The following CHD2 variants were observed in gnomAD, a reference collection of about 807,000 sequenced individuals.
CHD2 encodes the protein ATP-dependent chromatin remodeler CHD2.
Under a neutral mutation model 243.9 loss-of-function variants are expected in CHD2, and 28 were observed. The ratio of observed to expected loss-of-function variants is 0.11; its 90% CI spans 0.09 to 0.16. The LOEUF (loss-of-function observed/expected upper bound fraction) is 0.16. Among genes scored for constraint, CHD2 ranks in the 10% least tolerant of loss-of-function variants. The pLI is 1.00. For missense variants in CHD2, 1,386 were observed against 2,209.8 expected (o/e 0.63, Z 7.47); for synonymous variants, 775 against 779.0 (o/e 0.99, Z 0.09).
intron 31 of CHD2, among the ~76,000 whole-genome samples, chr15:93,000,277 C>A (rs1263320950): frequency 6.6e-6 from 1 of 151,684 alleles, no homozygotes; most frequent in African/African-American, 2.4e-5. Context: ...GAAAAAAAAA[C>A]GAAAAAGGAA....
rs116341827 is a variant in CHD2 at position 92,959,414 on chromosome 15, T to C, written c.2000+2765T>C. Among the ~76,000 whole-genome samples, 449 of 152,370 alleles carry C rather than the reference T, an allele frequency of 2.9e-3. 1 individual carries two copies. Among genetic ancestry groups the C allele is most frequent in the African/African-American group, 8.7e-3 (362 of 41,590 alleles). On this transcript the variant is annotated intron_variant, in intron 16 of 38. Coordinates refer to ENST00000394196, the MANE Select transcript of CHD2 (RefSeq NM_001271.4). ...CATGCTTTGTTTCTGGACTGTCAGT[T>C]CTGTTTTATTAATACATATTTCTGT...
At chr15:93,000,454 G>A in intron 31 of CHD2, 58 bp from the exon 32 acceptor site, 3 of 1,517,738 alleles carry the variant, frequency 2.0e-6, no homozygotes, top group South Asian at 1.3e-5. Flanking sequence ...ATGTTGTTTG[G>A]TTATGCTTTT....
At chr15:92,902,723 T>C (rs1848700478) in intron 2 of CHD2, 1 of 152,216 alleles carries the variant, frequency 6.6e-6, no homozygotes, top group African/African-American at 2.4e-5. Context: ...TGGAAAGTAA[T>C]GACAATTTGA....
rs2141765480 is a variant in CHD2, at chr15:93,027,939, A to G, written c.*3234A>G. ...TATGTATTAAATTTTCCTACATTGT[A>G]AAACTGCTGTACTTTTGATTCTTGT... On this transcript the variant is annotated 3_prime_UTR_variant, in exon 39 of 39. Coordinates refer to ENST00000394196, the MANE Select transcript of CHD2 (RefSeq NM_001271.4). 1 of 152,828 alleles carries G rather than the reference A, an allele frequency of 6.5e-6. No homozygotes were observed. Among genetic ancestry groups the G allele is most frequent in the African/African-American group, 2.4e-5 (1 of 41,600 alleles). The allele number at this position is 152,828 out of a possible 1,614,324, so 9.5% of individuals were successfully genotyped here.
chr15:92,981,534 G>A (rs1336236804), intron 24 of CHD2, 77 bp downstream of exon 24: 2 of 1,126,518 alleles, frequency 1.8e-6, no homozygotes, highest in African/African-American at 3.1e-5. Flanking sequence ...CGCTTTCTTT[G>A]TGCTAGGCGC....
chr15:92,914,485 G>C (rs2052797931), intron 2 of CHD2, among the ~76,000 whole-genome samples: 1 of 152,184 alleles, frequency 6.6e-6, no homozygotes, highest in Non-Finnish European at 1.5e-5. Context: ...CTTATATTTG[G>C]TTATTGGGGA....
intron 17 of CHD2, 30 bp downstream of exon 17, chr15:92,967,543 G>A (rs752343263): frequency 1.1e-5 from 17 of 1,587,758 alleles, no homozygotes; most frequent in Non-Finnish European, 1.5e-5. Context: ...AGGCCTGAAG[G>A]GGTTGAGATC....
chr15:92,964,263 A>G (rs934558461), intron 16 of CHD2, among the ~76,000 whole-genome samples: 4 of 152,176 alleles, frequency 2.6e-5, no homozygotes, highest in Non-Finnish European at 5.9e-5. Flanking sequence ...TGTTTAAAGC[A>G]TTGTCATTTT....
intron 2 of CHD2, among the ~76,000 whole-genome samples, chr15:92,910,909 A>G (rs936043724): frequency 6.6e-6 from 1 of 152,172 alleles, no homozygotes. Context: ...CTGCACACTT[A>G]TGCTGTAGCC....
intron 2 of CHD2, among the ~76,000 whole-genome samples, chr15:92,923,815 C>A (rs1215900851): frequency 6.6e-6 from 1 of 152,198 alleles, no homozygotes; most frequent in South Asian, 2.1e-4. Flanking sequence ...CCGCCCGCCT[C>A]GGCCTCCCAA....
intron 15 of CHD2, 36 bp from the exon 16 acceptor site, chr15:92,956,423 G>A: frequency 1.3e-6 from 2 of 1,569,560 alleles, no homozygotes; most frequent in Non-Finnish European, 1.7e-6. Context: ...GTTCCCTTCT[G>A]ACCTGGTGGC....
chr15:92,931,056 A>G (rs2053157910), intron 5 of CHD2, among the ~76,000 whole-genome samples: 1 of 152,134 alleles, frequency 6.6e-6, no homozygotes, highest in Non-Finnish European at 1.5e-5. Context: ...GCTGACACTC[A>G]AGTTGCAAGG....
chr15:93,004,971 A>G (rs1321779632), intron 34 of CHD2, among the ~76,000 whole-genome samples: 1 of 152,142 alleles, frequency 6.6e-6, no homozygotes, highest in Non-Finnish European at 1.5e-5. Flanking sequence ...AGTGGATTTC[A>G]TGTCTTGTGC....
intron 16 of CHD2, among the ~76,000 whole-genome samples, chr15:92,965,699 A>C (rs900252788): frequency 3.9e-5 from 6 of 152,118 alleles, no homozygotes; most frequent in Non-Finnish European, 7.3e-5. Flanking sequence ...TAGAGAATTC[A>C]TAAACAAATA....
chr15:92,954,935 G>A (rs2053600372), intron 14 of CHD2, among the ~76,000 whole-genome samples: 1 of 152,140 alleles, frequency 6.6e-6, no homozygotes, highest in Non-Finnish European at 1.5e-5. Context: ...TATACGTATT[G>A]CATTATATTT....
At chr15:92,936,963 C>T (rs1193358807) in intron 5 of CHD2, among the ~76,000 whole-genome samples, 1 of 152,028 alleles carries the variant, frequency 6.6e-6, no homozygotes, top group Non-Finnish European at 1.5e-5. Context: ...GTGATCCTTC[C>T]GCCTCCTCAG....
Position 92,967,334 on chromosome 15 carries a change from T to G in CHD2, c.2010T>G (p.Phe670Leu), listed in dbSNP as rs1165969857. ...LHFIMPEKFEFWEDFEEDHGK... is the reference protein window; with the variant it reads ...LHFIMPEKFELWEDFEEDHGK... ...ACTGTTTCTTCCCTAGGTTTGAATT[T>G]TGGGAAGATTTTGAAGAAGACCATG... The change falls in exon 17 of 39, where the codon TTT becomes TTG. Residue 670 changes from phenylalanine (F) to leucine (L), a missense_variant. Coordinates refer to ENST00000394196, the MANE Select transcript of CHD2 (RefSeq NM_001271.4). The G allele has an allele frequency of 1.2e-6, 2 of 1,607,392 alleles. No individual in the cohort carries two copies. Among genetic ancestry groups the G allele is most frequent in the South Asian group, 1.1e-5 (1 of 90,256 alleles).
At chr15:92,937,398 C>A in intron 5 of CHD2, 120 bp from the exon 6 acceptor site, 2 of 648,332 alleles carry the variant, frequency 3.1e-6, no homozygotes, top group African/African-American at 1.8e-5. Flanking sequence ...TCTCTTTTAG[C>A]ATGTCTAAAA....
intron 2 of CHD2, among the ~76,000 whole-genome samples, chr15:92,917,759 T>G (rs2052869521): frequency 6.6e-6 from 1 of 152,210 alleles, no homozygotes; most frequent in African/African-American, 2.4e-5. Flanking sequence ...ATTGCATAAT[T>G]CAGACTGTGG....
Sources: gnomAD v4.1 joint callset for allele counts (sites outside exome capture counted in the v4.1 genomes callset) on GRCh38, gnomAD v4.1.1 for gene constraint, MANE v1.5 for transcripts, NCBI Gene and HGNC (gene_info 2026-07-23, HGNC 2026-07-21) for gene names.